Variants in DPP6 observed in about 807,000 individuals in gnomAD.
DPP6 encodes the protein A-type potassium channel modulatory protein DPP6.
Under a neutral mutation model 122.6 loss-of-function variants are expected in DPP6, and 69 were observed. That is an observed-to-expected ratio of 0.56 (90% CI 0.46 to 0.69). The LOEUF is 0.69. DPP6 is among the 30% of genes least tolerant of loss of function. The pLI, the probability that DPP6 is intolerant of heterozygous loss-of-function variation, is 0.00. For synonymous variants in DPP6, 418 were observed against 433.1 expected, an observed-to-expected ratio of 0.97 and a Z score of 0.43; for missense variants, 928 against 1,116.9, an observed-to-expected ratio of 0.83 and a Z score of 2.41.
intron 6 of DPP6, among the ~76,000 whole-genome samples, chr7:154,647,450 G>A (rs1477435619): frequency 1.4e-5 from 2 of 144,672 alleles, no homozygotes; most frequent in Non-Finnish European, 3.1e-5. Flanking sequence ...CATGTTCTTG[G>A]GGATTTACTT....
At chr7:154,014,413 G>C (rs1159949352) in intron 1 of DPP6, among the ~76,000 whole-genome samples, 1 of 149,916 alleles carries the variant, frequency 6.7e-6, no homozygotes, top group Non-Finnish European at 1.5e-5. Context: ...CCAGCACTTT[G>C]GGAGGCTGAG....
At chr7:154,132,483 G>C (rs949621841) in intron 1 of DPP6, among the ~76,000 whole-genome samples, 2 of 152,080 alleles carry the variant, frequency 1.3e-5, no homozygotes, top group South Asian at 4.1e-4. Context: ...CCCATTATCT[G>C]TAATCTGAAA....
At chr7:154,441,449 G>T (rs1586280808) in intron 1 of DPP6, among the ~76,000 whole-genome samples, 2 of 152,274 alleles carry the variant, frequency 1.3e-5, no homozygotes, top group East Asian at 1.9e-4. Flanking sequence ...TAACACCTAT[G>T]CAATCAGTTC....
chr7:154,125,394 T>A (rs1807803863), intron 1 of DPP6, among the ~76,000 whole-genome samples: 3 of 152,118 alleles, frequency 2.0e-5, no homozygotes, highest in Admixed American at 6.6e-5. Flanking sequence ...ACGTTCCTTT[T>A]ACTTTTGTTA....
At chr7:153,853,054 A>AT in the DPP6 span, among the ~76,000 whole-genome samples, 1 of 152,136 alleles carries the variant, frequency 6.6e-6, no homozygotes, top group African/African-American at 2.4e-5. Context: ...ACCCAGGCTA[A>AT]TTTTACTTAA....
intron 1 of DPP6, among the ~76,000 whole-genome samples, chr7:154,223,902 G>A (rs1034662997): frequency 2.0e-5 from 3 of 148,490 alleles, no homozygotes; most frequent in South Asian, 2.1e-4. Context: ...TGGCCCAGCC[G>A]GGGAAACATG....
intron 1 of DPP6, among the ~76,000 whole-genome samples, chr7:154,060,374 G>A (rs1222752497): frequency 1.3e-4 from 4 of 30,190 alleles, no homozygotes; most frequent in Non-Finnish European, 2.0e-4. Context: ...GCCAGCCCCT[G>A]GTTCCCCCAC....
intron 1 of DPP6, among the ~76,000 whole-genome samples, chr7:154,438,882 T>C (rs1161858695): frequency 6.6e-6 from 1 of 152,160 alleles, no homozygotes; most frequent in Non-Finnish European, 1.5e-5. Context: ...GTTAGGCCAA[T>C]TAATTGTCTC....
chr7:154,398,931 G>A (rs774257541), intron 1 of DPP6, among the ~76,000 whole-genome samples: 8 of 152,208 alleles, frequency 5.3e-5, no homozygotes, highest in African/African-American at 1.7e-4. Flanking sequence ...CAGAAGGAAA[G>A]ATATTGTTTC....
intron 1 of DPP6, among the ~76,000 whole-genome samples, chr7:154,114,499 A>T (rs545882643): frequency 3.3e-5 from 5 of 152,336 alleles, no homozygotes; most frequent in Admixed American, 2.0e-4. Flanking sequence ...AGGATAAAGA[A>T]CAGAACCAAA....
intron 1 of DPP6, among the ~76,000 whole-genome samples, chr7:153,926,886 G>A (rs527870229): frequency 3.3e-5 from 5 of 151,752 alleles, no homozygotes; most frequent in African/African-American, 1.2e-4. Flanking sequence ...AAACATCTAC[G>A]TATTTTAAAT....
intron 1 of DPP6, among the ~76,000 whole-genome samples, chr7:153,916,819 A>G (rs1012339276): frequency 1.3e-5 from 2 of 152,200 alleles, no homozygotes; most frequent in African/African-American, 4.8e-5. Context: ...TTTATTTTAT[A>G]AATTTTATTA....
chr7:154,066,907 C>T (rs1208575401), intron 1 of DPP6, among the ~76,000 whole-genome samples: 1 of 151,274 alleles, frequency 6.6e-6, no homozygotes, highest in Non-Finnish European at 1.5e-5. Flanking sequence ...GGTTAGCACT[C>T]TCTGGTGACA....
At chr7:154,054,503 A>G (rs572648678) in intron 1 of DPP6, among the ~76,000 whole-genome samples, 225 of 152,282 alleles carry the variant, frequency 1.5e-3, no homozygotes, top group Admixed American at 3.1e-3. Context: ...CACACCCCCT[A>G]CAGCCCTGCG....
At position 154,876,272 on chromosome 7, in the gene DPP6, G is replaced by A. The variant is rs73728635; in HGVS notation, c.2078+172G>A. ...CCAAAGAAGTTTCAAAGGAAACTTA[G>A]GAATCTTCTCCTAGGGACATTTATA... On this transcript the variant is annotated intron_variant, in intron 20 of 25. Transcript: ENST00000377770. The A allele has an allele frequency of 0.035, 40,575 of 1,174,824 alleles. 2,987 individuals are homozygous for A. The highest frequency in any genetic ancestry group is 0.25 in the African/African-American group (16,139 of 63,694). The allele number at this position is 1,174,824 out of a possible 1,614,324, so 72.8% of individuals were successfully genotyped here.
intron 1 of DPP6, among the ~76,000 whole-genome samples, chr7:154,358,820 C>T (rs1039186610): frequency 1.4e-4 from 21 of 152,158 alleles, no homozygotes; most frequent in African/African-American, 5.1e-4. Context: ...ATTCTCCTGC[C>T]TCAGCCTCCC....
chr7:154,592,744 A>G (rs1241233760), intron 5 of DPP6, among the ~76,000 whole-genome samples: 1 of 152,168 alleles, frequency 6.6e-6, no homozygotes, highest in Non-Finnish European at 1.5e-5. Context: ...GCTACAGTGC[A>G]TGATGTCCAG....
chr7:153,920,561 CTCTT>C lies in DPP6; in HGVS notation c.51+32829_51+32832del, dbSNP rs1338294090. Among the ~76,000 whole-genome samples the C allele has an allele frequency of 2.2e-4, 14 of 62,480 alleles. 2 individuals carry two copies. The highest frequency in any genetic ancestry group is 1.6e-3 in the South Asian group (3 of 1,888). 41.0% of individuals were successfully genotyped at this position (62,480 alleles called of 152,430 possible). ...TAGTCAACCTTTTTCTTTTATCTCT[CTCTT>C]TTTTTTTTTTTTTTTGAGATGGAGT... On this transcript the variant is annotated intron_variant, in intron 1 of 25. Coordinates refer to the DPP6 transcript ENST00000404039.
chr7:154,655,545 C>T (rs144312588), intron 6 of DPP6, among the ~76,000 whole-genome samples: 2 of 152,346 alleles, frequency 1.3e-5, no homozygotes, highest in Non-Finnish European at 2.9e-5. Flanking sequence ...AGGGCCACTA[C>T]ATAGCCCCAA....
Sources: gnomAD v4.1 joint callset for allele counts (sites outside exome capture counted in the v4.1 genomes callset) on GRCh38, gnomAD v4.1.1 for gene constraint, MANE v1.5 for transcripts, NCBI Gene and HGNC (gene_info 2026-07-23, HGNC 2026-07-21) for gene names.